FAM184B: variants seen among roughly 807,000 people sequenced by gnomAD.
The protein encoded by FAM184B is protein FAM184B.
Under a neutral mutation model 135.9 loss-of-function variants are expected in FAM184B, and 111 were observed. That is an observed-to-expected ratio of 0.82 (90% CI 0.70 to 0.96). The LOEUF is 0.96. FAM184B is among the 40% of genes least tolerant of loss of function. The pLI is 0.00. For missense variants in FAM184B, 1,375 were observed against 1,323.9 expected (o/e 1.04, Z -0.60); for synonymous variants, 552 against 524.8 (o/e 1.05, Z -0.71).
intron 1 of FAM184B, among the ~76,000 whole-genome samples, chr4:17,728,637 G>A (rs529528420): frequency 4.6e-5 from 7 of 152,214 alleles, no homozygotes; most frequent in East Asian, 3.9e-4. Flanking sequence ...AGAGTGCTGC[G>A]GAAATTGAGC....
At chr4:17,639,618 G>A (rs879353382) in intron 13 of FAM184B, among the ~76,000 whole-genome samples, 1 of 151,184 alleles carries the variant, frequency 6.6e-6, no homozygotes, top group Non-Finnish European at 1.5e-5. Context: ...TCCCATCTCA[G>A]AAGGAGAAAC....
At chr4:17,763,420 A>G (rs1174551041) in intron 1 of FAM184B, among the ~76,000 whole-genome samples, 3 of 151,964 alleles carry the variant, frequency 2.0e-5, no homozygotes, top group Non-Finnish European at 2.9e-5. Flanking sequence ...ACACACACAC[A>G]GGCACATGCA....
chr4:17,655,291 T>C (rs2108939380), intron 10 of FAM184B, among the ~76,000 whole-genome samples: 1 of 152,330 alleles, frequency 6.6e-6, no homozygotes, highest in East Asian at 1.9e-4. Context: ...GGTTGAAGCC[T>C]GGCTTTGCAA....
At chr4:17,649,184 A>G (rs955595739) in intron 11 of FAM184B, among the ~76,000 whole-genome samples, 2 of 152,240 alleles carry the variant, frequency 1.3e-5, no homozygotes, top group African/African-American at 4.8e-5. Flanking sequence ...GGATGAGGTG[A>G]TAAAAGTGTA....
chr4:17,702,535 C>T (rs1306515958), intron 5 of FAM184B, among the ~76,000 whole-genome samples: 1 of 152,180 alleles, frequency 6.6e-6, no homozygotes, highest in Non-Finnish European at 1.5e-5. Flanking sequence ...AAATAGTGCA[C>T]TCCTAACTCT....
At chr4:17,693,437 C>T (rs1264494336) in intron 5 of FAM184B, 25 bp from the exon 6 acceptor site, 8 of 1,535,958 alleles carry the variant, frequency 5.2e-6, no homozygotes, top group South Asian at 1.2e-5. Flanking sequence ...GAAGAGTTAA[C>T]CATACAAGGC....
chr4:17,709,477 G>C lies in FAM184B; in HGVS notation c.309C>G (p.Ala103=), dbSNP rs1717200862. 1 of 1,544,780 alleles carries C rather than the reference G, an allele frequency of 6.5e-7. No individual in the cohort carries two copies. The highest frequency in any genetic ancestry group is 8.7e-7 in the Non-Finnish European group (1 of 1,143,094). ...TTTGCAGCTCCAGGGCGCTCTCCAGGGCCTGGATGCGCTGTAGAAGGGCTT... is the reference window on the plus strand; with the variant it reads ...TTTGCAGCTCCAGGGCGCTCTCCAGCGCCTGGATGCGCTGTAGAAGGGCTT... ...EEEALLQRIQ[A]LESALELQKR... The change falls in exon 2 of 18, where the codon GCC becomes GCG. Residue 103 remains alanine, a synonymous_variant. Coordinates refer to ENST00000265018, the MANE Select transcript of FAM184B (RefSeq NM_015688.2).
chr4:17,707,908 G>A (rs1717154421), intron 2 of FAM184B, 124 bp from the exon 3 acceptor site: 23 of 1,045,596 alleles, frequency 2.2e-5, no homozygotes, highest in Non-Finnish European at 3.1e-5. Flanking sequence ...TGAGTCAGTG[G>A]AATTCAGTGG....
At position 17,709,366 on chromosome 4, in the gene FAM184B, G is replaced by A. The variant is rs1717195882; in HGVS notation, c.420C>T (p.His140=). The change falls in exon 2 of 18, where the codon CAC becomes CAT. Residue 140 remains histidine, a synonymous_variant. Transcript: ENST00000265018. The part of the protein sequence containing the change: ...KERELRVEAE[H]AERVLTLSRE... Reference sequence around the variant, plus strand: ...TGGAGAGCGTGAGGACTCGCTCGGCGTGCTCTGCCTCCACCCTCAGCTCTC... The same window carrying A: ...TGGAGAGCGTGAGGACTCGCTCGGCATGCTCTGCCTCCACCCTCAGCTCTC... The A allele has an allele frequency of 1.3e-6, 2 of 1,544,756 alleles. No individual in the cohort carries two copies. The highest frequency in any genetic ancestry group is 1.8e-6 in the Non-Finnish European group (2 of 1,142,490).
In FAM184B at chr4:17,781,355, C is replaced by A; in HGVS notation, c.-56G>T. 1 of 1,435,008 alleles carries A rather than the reference C, an allele frequency of 7.0e-7. No individual in the cohort carries two copies. The highest frequency in any genetic ancestry group is 1.4e-5 in the South Asian group (1 of 71,220). 88.9% of individuals were successfully genotyped at this position (1,435,008 alleles called of 1,614,324 possible). On this transcript the variant is annotated 5_prime_UTR_variant, in exon 1 of 18. Coordinates refer to ENST00000265018, the MANE Select transcript of FAM184B (RefSeq NM_015688.2). The surrounding 1 kb of genome is among the most constrained non-coding windows in gnomAD (Gnocchi z 6.5). Reference sequence around the variant, plus strand: ...TCGTTTTCTCCCTGCCCACCGTGTGCACGTGCGTGCGCGCGCGGGCGTGCG... The same window carrying A: ...TCGTTTTCTCCCTGCCCACCGTGTGAACGTGCGTGCGCGCGCGGGCGTGCG...
At chr4:17,679,476 C>A (rs1716388558) in intron 7 of FAM184B, among the ~76,000 whole-genome samples, 1 of 152,096 alleles carries the variant, frequency 6.6e-6, no homozygotes. Context: ...TGTGATACCA[C>A]CTTACTCTGC....
chr4:17,725,495 G>T (rs1280202974), intron 1 of FAM184B, among the ~76,000 whole-genome samples: 1 of 152,124 alleles, frequency 6.6e-6, no homozygotes, highest in Non-Finnish European at 1.5e-5. Context: ...TATGTGTCAG[G>T]TCCTGAATCC....
At chr4:17,655,428 G>A (rs4698200) in intron 10 of FAM184B, among the ~76,000 whole-genome samples, 77,711 of 151,956 alleles carry the variant, frequency 0.51, 22,942 homozygotes, top group East Asian at 0.88. Context: ...ACAGGGTGCA[G>A]CACTCAGGGC....
intron 1 of FAM184B, among the ~76,000 whole-genome samples, chr4:17,718,620 G>A (rs1717449800): frequency 1.3e-5 from 2 of 152,246 alleles, no homozygotes; most frequent in Admixed American, 1.3e-4. Flanking sequence ...AAGGGAATGT[G>A]AGTGGACTTG....
Position 17,636,672 on chromosome 4 carries a change from T to A in FAM184B, c.2667-27A>T, listed in dbSNP as rs1560163435. On this transcript the variant is annotated intron_variant, in intron 14 of 17. Coordinates refer to ENST00000265018, the MANE Select transcript of FAM184B (RefSeq NM_015688.2). ...TGTTCCAAGCAGGCATGCAGTCAAG[T>A]CCCCCTTACAGCAATTACTCAACAA... is the stretch of plus-strand genomic sequence containing the variant. 9 of 1,503,026 alleles carry A rather than the reference T, an allele frequency of 6.0e-6. 1 individual carries two copies. Among genetic ancestry groups the A allele is most frequent in the Middle Eastern group, 3.4e-4 (2 of 5,808 alleles). The allele number at this position is 1,503,026 out of a possible 1,614,324, so 93.1% of individuals were successfully genotyped here.
In FAM184B at chr4:17,775,809, C is replaced by A. The variant is rs140218285; in HGVS notation, c.141+5350G>T. ...GAACTAAATAATGTGTACACAGGAACACAGAATGTGGAATAATAGACACTG... is the reference window on the plus strand; with the variant it reads ...GAACTAAATAATGTGTACACAGGAAAACAGAATGTGGAATAATAGACACTG... On this transcript the variant is annotated intron_variant, in intron 1 of 17. Coordinates refer to ENST00000265018, the MANE Select transcript of FAM184B (RefSeq NM_015688.2). Among the ~76,000 whole-genome samples, 25 of 152,244 alleles carry A rather than the reference C, an allele frequency of 1.6e-4. No homozygotes were observed. In the East Asian group the frequency reaches 4.6e-3, roughly 28 times the overall value.
rs534614688 is a variant in FAM184B, at chr4:17,773,789, C to G, written c.141+7370G>C. ...ATGGGGTTTCTCCATGTTGGTCAGG[C>G]TGGTCTTGAACTCCCGACCTCAGGT... is the stretch of plus-strand genomic sequence containing the variant. On this transcript the variant is annotated intron_variant, in intron 1 of 17. Transcript: ENST00000265018. Among the ~76,000 whole-genome samples the G allele has an allele frequency of 2.0e-5, 3 of 152,218 alleles. 1 individual carries two copies. Among genetic ancestry groups the G allele is most frequent in the Admixed American group, 2.0e-4 (3 of 15,294 alleles).
At chr4:17,728,373 C>T (rs571258904) in intron 1 of FAM184B, among the ~76,000 whole-genome samples, 9 of 152,054 alleles carry the variant, frequency 5.9e-5, no homozygotes, top group East Asian at 1.9e-4. Context: ...GGTGACAGAG[C>T]GAGACCCTGT....
intron 1 of FAM184B, among the ~76,000 whole-genome samples, chr4:17,732,160 A>G (rs1336060458): frequency 1.3e-5 from 2 of 152,234 alleles, no homozygotes; most frequent in African/African-American, 4.8e-5. Context: ...ACAACATACC[A>G]GAATCTCTGG....
Sources: allele counts gnomAD v4.1 joint callset (sites outside exome capture counted in the v4.1 genomes callset), GRCh38; gene constraint gnomAD v4.1.1; non-coding constraint Gnocchi (gnomAD v3.1); transcripts MANE v1.5; gene names NCBI Gene and HGNC (gene_info 2026-07-23, HGNC 2026-07-21).